Variants in CNTN3 observed in about 807,000 individuals in gnomAD.
CNTN3 encodes the protein contactin 3, also known as contactin-3.
A neutral mutation model predicts 119.1 loss-of-function variants in CNTN3; 60 were observed. The observed-to-expected ratio is 0.50, with a 90% CI of 0.41 to 0.62. The LOEUF is 0.62. Among genes scored for constraint, CNTN3 ranks in the 20% least tolerant of loss-of-function variants. The pLI, the probability that CNTN3 is intolerant of heterozygous loss-of-function variation, is 0.00. For synonymous variants in CNTN3, 450 were observed against 438.7 expected, an observed-to-expected ratio of 1.03 and a Z score of -0.32; for missense variants, 1,101 against 1,242.4, an observed-to-expected ratio of 0.89 and a Z score of 1.71.
intron 13 of CNTN3, among the ~76,000 whole-genome samples, chr3:74,331,856 T>C (rs1258373420): frequency 6.6e-6 from 1 of 152,230 alleles, no homozygotes; most frequent in East Asian, 1.9e-4. Context: ...GGTGTCATCA[T>C]GCTCCTTTGG....
rs1575679250 is a variant in CNTN3 at position 74,389,106 on chromosome 3, A to T, written c.455-17707T>A. Among the ~76,000 whole-genome samples the T allele has an allele frequency of 4.6e-5, 7 of 152,334 alleles. No homozygotes were observed. The Middle Eastern group carries it at 0.024, about 518-fold the overall frequency. On this transcript the variant is annotated intron_variant, in intron 5 of 22. Coordinates refer to ENST00000263665, the MANE Select transcript of CNTN3 (RefSeq NM_020872.3). ...AAAAATAGAATTTTAATTATTAAAAACTACTGATCTTTATCTCTCAAATAC... is the reference window on the plus strand; with the variant it reads ...AAAAATAGAATTTTAATTATTAAAATCTACTGATCTTTATCTCTCAAATAC...
At chr3:74,372,124 A>G (rs570291457) in intron 5 of CNTN3, among the ~76,000 whole-genome samples, 2 of 152,142 alleles carry the variant, frequency 1.3e-5, no homozygotes, top group Non-Finnish European at 2.9e-5. Context: ...AACGCTTATC[A>G]GTATGTAACA....
intron 2 of CNTN3, among the ~76,000 whole-genome samples, chr3:74,516,348 C>T (rs1370350025): frequency 6.7e-6 from 1 of 150,238 alleles, no homozygotes; most frequent in Admixed American, 6.6e-5. Flanking sequence ...CCTTCTTCTT[C>T]TTCCTCCCCA....
At chr3:74,515,421 T>C (rs1005186362) in intron 2 of CNTN3, among the ~76,000 whole-genome samples, 6 of 151,964 alleles carry the variant, frequency 3.9e-5, no homozygotes, top group African/African-American at 1.4e-4. Context: ...TTTCATACCA[T>C]CAAACTCATA....
At chr3:74,415,270 T>TAAG (rs1266186723) in intron 5 of CNTN3, among the ~76,000 whole-genome samples, 2 of 152,116 alleles carry the variant, frequency 1.3e-5, no homozygotes. Context: ...GAGAACAATG[T>TAAG]AAGAAATGGT....
At chr3:74,452,493 C>T (rs948155561) in intron 4 of CNTN3, among the ~76,000 whole-genome samples, 17 of 148,662 alleles carry the variant, frequency 1.1e-4, no homozygotes, top group South Asian at 4.3e-4. Flanking sequence ...TTTTCCTAAC[C>T]GAATACCCTT....
At chr3:74,487,061 G>A (rs1280757653) in intron 3 of CNTN3, among the ~76,000 whole-genome samples, 1 of 152,054 alleles carries the variant, frequency 6.6e-6, no homozygotes, top group Non-Finnish European at 1.5e-5. Context: ...TAAATTAATT[G>A]GGTAAGTGCT....
At chr3:74,575,282 C>T (rs1704396095) in intron 1 of CNTN3, among the ~76,000 whole-genome samples, 1 of 151,882 alleles carries the variant, frequency 6.6e-6, no homozygotes, top group South Asian at 2.1e-4. Flanking sequence ...GATGAAATCT[C>T]GCTCTGTCAC....
At chr3:74,598,029 A>C (rs1032508851) in intron 1 of CNTN3, among the ~76,000 whole-genome samples, 1 of 152,036 alleles carries the variant, frequency 6.6e-6, no homozygotes, top group African/African-American at 2.4e-5. Context: ...GATTATAAAG[A>C]TGATAGCCTA....
At chr3:74,550,764 A>T (rs1156573031) in intron 1 of CNTN3, among the ~76,000 whole-genome samples, 1 of 151,936 alleles carries the variant, frequency 6.6e-6, no homozygotes, top group African/African-American at 2.4e-5. Context: ...CTGGTCTTTA[A>T]CTCCTAGGCT....
chr3:74,559,769 T>C (rs184691569), intron 1 of CNTN3, among the ~76,000 whole-genome samples: 1 of 152,232 alleles, frequency 6.6e-6, no homozygotes, highest in African/African-American at 2.4e-5. Context: ...GTAAATGACT[T>C]CCTGATTATA....
chr3:74,562,807 A>T (rs532119751), intron 1 of CNTN3, among the ~76,000 whole-genome samples: 2 of 151,400 alleles, frequency 1.3e-5, no homozygotes, highest in Non-Finnish European at 2.9e-5. Flanking sequence ...TCCTTCAACT[A>T]GTTCAGACAG....
chr3:74,392,034 C>A (rs946199947), intron 5 of CNTN3, among the ~76,000 whole-genome samples: 1 of 151,822 alleles, frequency 6.6e-6, no homozygotes, highest in African/African-American at 2.4e-5. Flanking sequence ...GCTTAGATAA[C>A]TAGAGATAGG....
At chr3:74,273,951 C>CT (rs937133460) in intron 20 of CNTN3, among the ~76,000 whole-genome samples, 3 of 152,080 alleles carry the variant, frequency 2.0e-5, no homozygotes, top group Non-Finnish European at 4.4e-5. Context: ...TGGAAACGGA[C>CT]TTTTTTGCTG....
At chr3:74,381,792 T>TA (rs996164467) in intron 5 of CNTN3, among the ~76,000 whole-genome samples, 11 of 151,740 alleles carry the variant, frequency 7.2e-5, no homozygotes, top group East Asian at 1.9e-4. Context: ...ATAATTTAGC[T>TA]AAAAAAAAGC....
chr3:74,592,184 G>A (rs982960431), intron 1 of CNTN3, among the ~76,000 whole-genome samples: 2 of 151,844 alleles, frequency 1.3e-5, no homozygotes, highest in African/African-American at 4.8e-5. Flanking sequence ...TTGACATTAA[G>A]AAACTGCTTG....
At chr3:74,571,027 C>A (rs1704324796) in intron 1 of CNTN3, among the ~76,000 whole-genome samples, 1 of 152,074 alleles carries the variant, frequency 6.6e-6, no homozygotes, top group Admixed American at 6.6e-5. Flanking sequence ...AAGTATAATA[C>A]AATAGAATAG....
chr3:74,416,123 A>T (rs1478129423), intron 5 of CNTN3, among the ~76,000 whole-genome samples: 3 of 152,184 alleles, frequency 2.0e-5, no homozygotes, highest in African/African-American at 7.2e-5. Context: ...CATTTTCTAG[A>T]ACCATGTTTT....
Position 74,598,554 on chromosome 3 carries a change from G to A in CNTN3, c.-81+15837C>T, listed in dbSNP as rs570264861. On this transcript the variant is annotated intron_variant, in intron 1 of 22. Coordinates refer to ENST00000263665, the MANE Select transcript of CNTN3 (RefSeq NM_020872.3). ...AGCTCACTGAAGTCTTGACCTCCCT[G>A]GCCCAAGCCATAGATAATCAATAAA... is the stretch of plus-strand genomic sequence containing the variant. 1.4e-4 allele frequency among the ~76,000 whole-genome samples: 22 copies of A among 151,952 alleles called. 1 individual carries two copies. The South Asian group carries it at 4.6e-3, about 32-fold the overall frequency.
Sources: gnomAD v4.1 joint callset for allele counts (sites outside exome capture counted in the v4.1 genomes callset) on GRCh38, gnomAD v4.1.1 for gene constraint, MANE v1.5 for transcripts, NCBI Gene and HGNC (gene_info 2026-07-23, HGNC 2026-07-21) for gene names.